CAST: variants seen among roughly 807,000 people sequenced by gnomAD.
The protein encoded by CAST is MIR583 host.
CAST carries 76 observed loss-of-function variants against 119.6 expected under a neutral mutation model. That is an observed-to-expected ratio of 0.64 (90% CI 0.53 to 0.77). CAST has a LOEUF of 0.77. CAST is among the 30% of genes least tolerant of loss of function. The pLI, the probability that CAST is intolerant of heterozygous loss-of-function variation, is 0.00. For synonymous variants in CAST, 319 were observed against 331.6 expected, an observed-to-expected ratio of 0.96 and a Z score of 0.41; for missense variants, 953 against 946.5, an observed-to-expected ratio of 1.01 and a Z score of -0.09.
intron 1 of CAST, among the ~76,000 whole-genome samples, chr5:96,653,773 C>A (rs1434469328): frequency 6.6e-6 from 1 of 151,434 alleles, no homozygotes; most frequent in Admixed American, 6.6e-5. Flanking sequence ...AATTTGGGGG[C>A]CAAAATAATT....
Position 96,530,911 on chromosome 5 carries a change from G to A in CAST, c.60+1031G>A, listed in dbSNP as rs1238035961. Among the ~76,000 whole-genome samples, 3 of 152,086 alleles carry A rather than the reference G, an allele frequency of 2.0e-5. No homozygotes were observed. The East Asian group carries it at 5.8e-4, about 29-fold the overall frequency. On this transcript the variant is annotated intron_variant, in intron 1 of 11. Transcript: ENST00000505143. Reference sequence around the variant, plus strand: ...GGGCTTAGGTGATCCTGCCACCTCAGCCTCCCTAGTAGCTGGTACTACAGG... The same window carrying A: ...GGGCTTAGGTGATCCTGCCACCTCAACCTCCCTAGTAGCTGGTACTACAGG...
At chr5:96,554,298 T>C (rs948318918) in intron 1 of CAST, among the ~76,000 whole-genome samples, 8 of 152,112 alleles carry the variant, frequency 5.3e-5, no homozygotes, top group East Asian at 3.8e-4. Context: ...CACACAAGCA[T>C]TGGGGAAAAG....
chr5:96,748,389 TA>T (rs990854195), intron 18 of CAST, 128 bp from the exon 19 acceptor site: 2 of 443,566 alleles, frequency 4.5e-6, no homozygotes, highest in African/African-American at 4.1e-5. Flanking sequence ...ATGCCCTTTA[TA>T]AATTAGCTTT....
chr5:96,152,328 GAC>G, the CAST span, among the ~76,000 whole-genome samples: 1 of 152,170 alleles, frequency 6.6e-6, no homozygotes, highest in Admixed American at 6.5e-5. Flanking sequence ...CAGGAATGTG[GAC>G]ACATCCATTT....
At chr5:96,638,874 C>G (rs754262986) in intron 1 of CAST, among the ~76,000 whole-genome samples, 1 of 152,172 alleles carries the variant, frequency 6.6e-6, no homozygotes, top group African/African-American at 2.4e-5. Flanking sequence ...CAGAACTTCC[C>G]TATCCCTTCT....
At chr5:96,300,147 A>G in the CAST span, among the ~76,000 whole-genome samples, 1 of 151,984 alleles carries the variant, frequency 6.6e-6, no homozygotes, top group African/African-American at 2.4e-5. Context: ...TGTTGCCTAT[A>G]TTTTTGGGGT....
At chr5:96,102,724 T>G in the CAST span, among the ~76,000 whole-genome samples, 10,454 of 77,074 alleles carry the variant, frequency 0.14, 572 homozygotes, top group East Asian at 0.28. Context: ...TTTCTTGGGG[T>G]TTTTTTTTTT....
At chr5:96,342,787 G>T in the CAST span, among the ~76,000 whole-genome samples, 1 of 152,114 alleles carries the variant, frequency 6.6e-6, no homozygotes, top group Non-Finnish European at 1.5e-5. Context: ...CTGAAAATGG[G>T]ATGTGTTTCA....
chr5:96,202,104 G>A, the CAST span, among the ~76,000 whole-genome samples: 1 of 152,046 alleles, frequency 6.6e-6, no homozygotes, highest in Non-Finnish European at 1.5e-5. Flanking sequence ...CATTTTGTAT[G>A]TAAATGCTGG....
At chr5:96,121,521 C>T in the CAST span, among the ~76,000 whole-genome samples, 3 of 150,046 alleles carry the variant, frequency 2.0e-5, no homozygotes, top group Non-Finnish European at 4.4e-5. Flanking sequence ...ATAGAACTTG[C>T]TTAAAGAAAG....
At chr5:95,969,583 T>G in the CAST span, among the ~76,000 whole-genome samples, 52 of 152,160 alleles carry the variant, frequency 3.4e-4, no homozygotes, top group Non-Finnish European at 5.9e-5. Flanking sequence ...ACTAGGGTAT[T>G]AATGATGGGA....
chr5:96,235,656 G>T, the CAST span, among the ~76,000 whole-genome samples: 10 of 152,010 alleles, frequency 6.6e-5, no homozygotes, highest in Non-Finnish European at 1.0e-4. Flanking sequence ...AGCTAATTAA[G>T]GTCAACTATC....
At chr5:96,173,028 T>G in the CAST span, among the ~76,000 whole-genome samples, 13 of 152,218 alleles carry the variant, frequency 8.5e-5, no homozygotes, top group Admixed American at 7.9e-4. Flanking sequence ...CAGTATTCTC[T>G]TACAAGTCCA....
chr5:96,766,496 A>G (rs976212882), intron 27 of CAST, among the ~76,000 whole-genome samples: 1 of 152,250 alleles, frequency 6.6e-6, no homozygotes, highest in Non-Finnish European at 1.5e-5. Flanking sequence ...TAAGGAGAGC[A>G]GAAAAGGAGC....
chr5:96,618,648 C>T (rs780008628), intron 1 of CAST, among the ~76,000 whole-genome samples: 8 of 151,794 alleles, frequency 5.3e-5, no homozygotes, highest in Non-Finnish European at 1.0e-4. Flanking sequence ...AGCACCTGGG[C>T]CAGCAGCTGT....
chr5:96,752,459 C>A (rs1027398284), intron 20 of CAST, among the ~76,000 whole-genome samples: 3 of 150,788 alleles, frequency 2.0e-5, no homozygotes, highest in Non-Finnish European at 4.4e-5. Context: ...GGTACCAGTG[C>A]AACTCTTGAT....
chr5:96,667,001 T>C (rs758664759), intron 1 of CAST, among the ~76,000 whole-genome samples: 9 of 152,246 alleles, frequency 5.9e-5, no homozygotes, highest in Non-Finnish European at 1.0e-4. Context: ...AGTTGTCTCA[T>C]TTTCCTTTCA....
the CAST span, among the ~76,000 whole-genome samples, chr5:96,367,366 T>TCTCAAACTCTGTGCTGGGAGAACCACTAC: frequency 9.6e-6 from 1 of 103,790 alleles, no homozygotes; most frequent in Admixed American, 8.7e-5. Context: ...GACAGGGACA[T>TCTCAAACTCTGTGCTGGGAGAACCACTAC]TTAAGTCTGC....
chr5:96,736,858 A>G (rs1761753814), intron 10 of CAST, among the ~76,000 whole-genome samples: 1 of 152,228 alleles, frequency 6.6e-6, no homozygotes, highest in African/African-American at 2.4e-5. Context: ...ACTGTTATAA[A>G]GAACTTCCCT....
Sources: allele counts gnomAD v4.1 joint callset (sites outside exome capture counted in the v4.1 genomes callset), GRCh38; gene constraint gnomAD v4.1.1; transcripts MANE v1.5; gene names NCBI Gene and HGNC (gene_info 2026-07-23, HGNC 2026-07-21).